HSF2BP: variants seen among roughly 807,000 people sequenced by gnomAD.
HSF2BP encodes the protein heat shock factor 2-binding protein.
HSF2BP carries 35 observed loss-of-function variants against 35.0 expected under a neutral mutation model. The observed-to-expected ratio is 1.00, with a 90% CI of 0.76 to 1.32. HSF2BP has a LOEUF of 1.32. Ranked by LOEUF, HSF2BP falls within the 40% of genes most tolerant of loss-of-function variation. The pLI is 0.00. For missense variants in HSF2BP, 326 were observed against 321.7 expected, an observed-to-expected ratio of 1.01 and a Z score of -0.10; for synonymous variants, 114 against 117.4, an observed-to-expected ratio of 0.97 and a Z score of 0.18.
chr21:43,646,312 A>T (rs1008095017), intron 3 of HSF2BP, among the ~76,000 whole-genome samples: 1 of 152,370 alleles, frequency 6.6e-6, no homozygotes, highest in Non-Finnish European at 1.5e-5. Context: ...CAAAAAATCA[A>T]CTAGGAAGCA....
chr21:43,598,213 G>C (rs1371632807), intron 7 of HSF2BP, among the ~76,000 whole-genome samples: 1 of 151,086 alleles, frequency 6.6e-6, no homozygotes, highest in Non-Finnish European at 1.5e-5. Flanking sequence ...TTTGTTTTGA[G>C]ACAGAGTCTC....
At chr21:43,632,314 TCCCACACACACACTCC>T (rs1477580929) in intron 5 of HSF2BP, among the ~76,000 whole-genome samples, 1 of 33,750 alleles carries the variant, frequency 3.0e-5, no homozygotes, top group African/African-American at 1.2e-4. Flanking sequence ...ACACACACGC[TCCCACACACACACTCC>T]CCCACACACA....
chr21:43,641,473 C>G (rs1568936547), intron 4 of HSF2BP, among the ~76,000 whole-genome samples: 1 of 152,200 alleles, frequency 6.6e-6, no homozygotes, highest in Non-Finnish European at 1.5e-5. Context: ...GAGGAAACAT[C>G]TCCACCATGG....
chr21:43,578,421 T>C (rs2081673474), intron 8 of HSF2BP, among the ~76,000 whole-genome samples: 1 of 152,088 alleles, frequency 6.6e-6, no homozygotes, highest in African/African-American at 2.4e-5. Context: ...CTGAGTCATA[T>C]GATCCACGAA....
chr21:43,629,584 A>G (rs779577894), intron 6 of HSF2BP, among the ~76,000 whole-genome samples: 20 of 152,282 alleles, frequency 1.3e-4, no homozygotes, highest in Middle Eastern at 3.4e-3. Context: ...AGGTCAAAAT[A>G]ACAACATTAA....
intron 2 of HSF2BP, among the ~76,000 whole-genome samples, chr21:43,657,356 A>G (rs2082885607): frequency 6.6e-6 from 1 of 152,220 alleles, no homozygotes; most frequent in African/African-American, 2.4e-5. Flanking sequence ...CAAGACCACG[A>G]AAAAGAAAAG....
chr21:43,631,755 C>T (rs1459381863), intron 5 of HSF2BP, among the ~76,000 whole-genome samples: 2 of 152,124 alleles, frequency 1.3e-5, no homozygotes, highest in Non-Finnish European at 2.9e-5. Flanking sequence ...TACTCACTGT[C>T]CTAAAACAAA....
At chr21:43,630,665 C>T (rs77849024) in intron 5 of HSF2BP, among the ~76,000 whole-genome samples, 291 of 152,306 alleles carry the variant, frequency 1.9e-3, no homozygotes, top group Admixed American at 4.9e-3. Context: ...GGACTCTTCA[C>T]ACGCATAAAT....
At chr21:43,649,036 G>C (rs1279916693) in intron 3 of HSF2BP, among the ~76,000 whole-genome samples, 2 of 151,894 alleles carry the variant, frequency 1.3e-5, no homozygotes, top group Admixed American at 1.3e-4. Context: ...TGCCTCATTT[G>C]CTCATCATTC....
chr21:43,616,672 G>A (rs565907344), intron 6 of HSF2BP, among the ~76,000 whole-genome samples: 10 of 152,178 alleles, frequency 6.6e-5, no homozygotes, highest in Admixed American at 3.3e-4. Flanking sequence ...GGTGGCTCAC[G>A]CCTGTAATCC....
At chr21:43,605,557 C>T (rs189615152) in intron 7 of HSF2BP, among the ~76,000 whole-genome samples, 3 of 148,850 alleles carry the variant, frequency 2.0e-5, no homozygotes, top group East Asian at 4.1e-4. Flanking sequence ...TCCACATGTA[C>T]ATACACACCA....
intron 3 of HSF2BP, among the ~76,000 whole-genome samples, chr21:43,647,067 C>A (rs1461782041): frequency 6.6e-6 from 1 of 152,172 alleles, no homozygotes; most frequent in East Asian, 1.9e-4. Context: ...TTCTGCTAAT[C>A]TTTGAACCAA....
intron 3 of HSF2BP, among the ~76,000 whole-genome samples, chr21:43,646,699 CA>C (rs1160975830): frequency 2.6e-5 from 4 of 152,162 alleles, no homozygotes; most frequent in Non-Finnish European, 5.9e-5. Context: ...GTTAACATAC[CA>C]AAGGGACAGG....
chr21:43,612,746 T>C (rs561669163), intron 7 of HSF2BP, among the ~76,000 whole-genome samples: 1 of 151,998 alleles, frequency 6.6e-6, no homozygotes, highest in African/African-American at 2.4e-5. Flanking sequence ...GAAGGATTAT[T>C]TGAACGCCTA....
rs116307979 is a variant in HSF2BP, at chr21:43,640,339, T to C, written c.291+3950A>G. On this transcript the variant is annotated intron_variant, in intron 4 of 8. Coordinates refer to ENST00000291560, the MANE Select transcript of HSF2BP (RefSeq NM_007031.2). ...AGTCGCAAAAGGTTATTCTACGTTA[T>C]GACATTCTTGAGATAACAAAATTAG... is the stretch of plus-strand genomic sequence containing the variant. Among the ~76,000 whole-genome samples the C allele has an allele frequency of 5.0e-3, 758 of 152,296 alleles. 8 individuals carry two copies. Among genetic ancestry groups the C allele is most frequent in the African/African-American group, 0.018 (729 of 41,572 alleles).
At chr21:43,589,710 G>T (rs2081902372) in intron 8 of HSF2BP, among the ~76,000 whole-genome samples, 2 of 152,140 alleles carry the variant, frequency 1.3e-5, no homozygotes, top group Admixed American at 6.5e-5. Flanking sequence ...ACCTTCACAT[G>T]TATTGTCAAC....
intron 6 of HSF2BP, 45 bp downstream of exon 6, chr21:43,630,277 T>C (rs2082437770): frequency 6.4e-7 from 1 of 1,552,186 alleles, no homozygotes; most frequent in Non-Finnish European, 8.7e-7. Context: ...ACTGCAGTGG[T>C]CTGGAAGCAA....
intron 3 of HSF2BP, 121 bp from the exon 4 acceptor site, chr21:43,644,513 C>A: frequency 1.4e-6 from 1 of 694,002 alleles, no homozygotes; most frequent in South Asian, 1.7e-5. Flanking sequence ...AGAATATTTG[C>A]ATTTCTTGAC....
chr21:43,649,497 C>T (rs1030111723), intron 3 of HSF2BP, among the ~76,000 whole-genome samples: 1 of 152,122 alleles, frequency 6.6e-6, no homozygotes, highest in East Asian at 1.9e-4. Flanking sequence ...TACACTAGTT[C>T]GCATTCACTG....
Sources: allele counts gnomAD v4.1 joint callset (sites outside exome capture counted in the v4.1 genomes callset), GRCh38; gene constraint gnomAD v4.1.1; transcripts MANE v1.5; gene names NCBI Gene and HGNC (gene_info 2026-07-23, HGNC 2026-07-21).